POU2F3: variants seen among roughly 807,000 people sequenced by gnomAD.
POU2F3 encodes POU domain, class 2, transcription factor 3.
Under a neutral mutation model 59.2 loss-of-function variants are expected in POU2F3, and 23 were observed. That is an observed-to-expected ratio of 0.39 (90% confidence interval 0.28 to 0.55). The LOEUF is 0.55. Among genes scored for constraint, POU2F3 ranks in the 20% least tolerant of loss-of-function variants. The pLI, the probability that POU2F3 is intolerant of heterozygous loss-of-function variation, is 0.66. For synonymous variants in POU2F3, 190 were observed against 214.6 expected (o/e 0.89, Z 1.00); for missense variants, 473 against 544.5 (o/e 0.87, Z 1.31).
intron 12 of POU2F3, among the ~76,000 whole-genome samples, chr11:120,318,026 G>A (rs1390183711): frequency 2.0e-5 from 3 of 152,122 alleles, no homozygotes; most frequent in Non-Finnish European, 4.4e-5. Context: ...GTTCTTATTG[G>A]CCAATTGTTG....
chr11:120,275,398 AT>A (rs1168628643), intron 3 of POU2F3, among the ~76,000 whole-genome samples: 2 of 152,068 alleles, frequency 1.3e-5, no homozygotes. Flanking sequence ...TCTCCACTCC[AT>A]TTCCTGCTCT....
intron 3 of POU2F3, among the ~76,000 whole-genome samples, chr11:120,281,950 T>C (rs11217786): frequency 0.087 from 13,205 of 152,268 alleles, 2,021 homozygotes; most frequent in East Asian, 0.66. Flanking sequence ...CAGTAGACAC[T>C]CAATAACTGT....
At chr11:120,280,653 T>C (rs1940528829) in intron 3 of POU2F3, among the ~76,000 whole-genome samples, 1 of 151,944 alleles carries the variant, frequency 6.6e-6, no homozygotes, top group African/African-American at 2.4e-5. Context: ...AGAGAGTGTG[T>C]TTGTGTGTGT....
At chr11:120,257,289 T>C (rs1432745575) in intron 2 of POU2F3, among the ~76,000 whole-genome samples, 1 of 152,152 alleles carries the variant, frequency 6.6e-6, no homozygotes, top group African/African-American at 2.4e-5. Flanking sequence ...TTAGGACCCT[T>C]TCCCTGCCCC....
chr11:120,307,273 T>C (rs901298578), intron 8 of POU2F3, among the ~76,000 whole-genome samples: 1 of 152,110 alleles, frequency 6.6e-6, no homozygotes, highest in Non-Finnish European at 1.5e-5. Flanking sequence ...TGGAGGACAA[T>C]GGAGGGCCAC....
At chr11:120,274,584 A>C (rs1356377625) in intron 3 of POU2F3, among the ~76,000 whole-genome samples, 25 of 152,176 alleles carry the variant, frequency 1.6e-4, no homozygotes, top group Non-Finnish European at 2.9e-5. Flanking sequence ...AGGTGGAACA[A>C]ACTTATCCAG....
chr11:120,262,761 G>C (rs1250993283), intron 2 of POU2F3, among the ~76,000 whole-genome samples: 1 of 152,184 alleles, frequency 6.6e-6, no homozygotes, highest in African/African-American at 2.4e-5. Flanking sequence ...GGTCTTAAAA[G>C]TGGAGCATAT....
intron 1 of POU2F3, among the ~76,000 whole-genome samples, chr11:120,240,802 G>A (rs943822694): frequency 5.3e-5 from 8 of 152,148 alleles, no homozygotes; most frequent in Admixed American, 4.6e-4. Context: ...GTGTGAAATG[G>A]AGGCAAAGCG....
intron 2 of POU2F3, 82 bp from the exon 3 acceptor site, chr11:120,269,128 C>T: frequency 8.7e-7 from 1 of 1,144,048 alleles, no homozygotes; most frequent in South Asian, 1.4e-5. Context: ...CCACACGCCT[C>T]TCAACATCCT....
At chr11:120,269,069 A>G (rs1479376699) in intron 2 of POU2F3, 141 bp from the exon 3 acceptor site, 3 of 597,890 alleles carry the variant, frequency 5.0e-6, no homozygotes, top group Non-Finnish European at 5.7e-6. Context: ...CAGGTCGAGG[A>G]GGAGGATCCC....
At chr11:120,242,747 C>G (rs1938718141) in intron 1 of POU2F3, among the ~76,000 whole-genome samples, 1 of 152,180 alleles carries the variant, frequency 6.6e-6, no homozygotes, top group Non-Finnish European at 1.5e-5. Context: ...TTCAGGTCTG[C>G]CTGGAGCCTT....
At chr11:120,270,931 C>A (rs1370626445) in intron 3 of POU2F3, among the ~76,000 whole-genome samples, 1 of 152,136 alleles carries the variant, frequency 6.6e-6, no homozygotes, top group Non-Finnish European at 1.5e-5. Context: ...TGGGCTCAAG[C>A]AATCCTCCCT....
rs763015603 is a variant in POU2F3, at chr11:120,318,758, G to A, written c.*366G>A. 4.0e-5 allele frequency: 9 copies of A among 222,970 alleles called. No homozygotes were observed. The highest frequency in any genetic ancestry group is 6.9e-5 in the Non-Finnish European group (8 of 115,300). 13.8% of individuals were successfully genotyped at this position (222,970 alleles called of 1,614,324 possible). A position where few individuals can be genotyped will look rare whatever the true frequency, so the allele number is the denominator to read the frequency against. ...TCCAACTCATCCGTGGGCTTCTGGGGACAGCCATTTGGCTGGGGTGCCAAA... is the reference window on the plus strand; with the variant it reads ...TCCAACTCATCCGTGGGCTTCTGGGAACAGCCATTTGGCTGGGGTGCCAAA... On this transcript the variant is annotated 3_prime_UTR_variant, in exon 13 of 13. Transcript: ENST00000543440.
intron 3 of POU2F3, among the ~76,000 whole-genome samples, chr11:120,280,628 G>A (rs1016709399): frequency 5.7e-5 from 8 of 141,582 alleles, no homozygotes; most frequent in East Asian, 3.9e-4. Flanking sequence ...GAGAGAGAGA[G>A]AAAAAGAGAG....
chr11:120,286,794 T>C (rs1167492531), intron 3 of POU2F3, among the ~76,000 whole-genome samples: 2 of 152,232 alleles, frequency 1.3e-5, no homozygotes, highest in Non-Finnish European at 2.9e-5. Context: ...TCTTATGACT[T>C]GCTTCCCTTC....
Position 120,305,132 on chromosome 11 carries a change from G to A in POU2F3, c.547G>A (p.Asp183Asn), listed in dbSNP as rs770832069. The change falls in exon 7 of 13, where the codon GAT becomes AAT. Residue 183 changes from aspartate to asparagine, a missense_variant. Physicochemically the swap from Asp to Asn is conservative, Grantham distance 23 (BLOSUM62 1). Coordinates refer to ENST00000543440, the MANE Select transcript of POU2F3 (RefSeq NM_014352.4). ...PKHLPSSGGA[D>N]EPSDLEELEK... ...GCATCTACCCAGCTCTGGAGGGGCC[G>A]ATGAGCCCAGTGACCTCGAGGAGCT... The A allele has an allele frequency of 2.7e-5, 44 of 1,613,702 alleles. No homozygotes were observed. The highest frequency in any genetic ancestry group is 2.2e-4 in the Admixed American group (13 of 59,968).
chr11:120,281,701 G>A (rs1442201560), intron 3 of POU2F3, among the ~76,000 whole-genome samples: 1 of 152,142 alleles, frequency 6.6e-6, no homozygotes, highest in Non-Finnish European at 1.5e-5. Flanking sequence ...AGCACGGACT[G>A]CTGTGGGGTG....
At chr11:120,292,316 A>G (rs989295337) in intron 3 of POU2F3, among the ~76,000 whole-genome samples, 9 of 152,148 alleles carry the variant, frequency 5.9e-5, no homozygotes, top group Non-Finnish European at 1.0e-4. Context: ...GGGACAGCAA[A>G]GTCCTTCCCT....
At chr11:120,305,600 G>A (rs768351232) in intron 7 of POU2F3, 44 bp from the exon 8 acceptor site, 5 of 1,604,958 alleles carry the variant, frequency 3.1e-6, no homozygotes. Flanking sequence ...AACAAGAGGA[G>A]GAGGCTGCCT....
Sources: allele counts gnomAD v4.1 joint callset (sites outside exome capture counted in the v4.1 genomes callset), GRCh38; gene constraint gnomAD v4.1.1; transcripts MANE v1.5; gene names NCBI Gene and HGNC (gene_info 2026-07-23, HGNC 2026-07-21).